The following SESN3 variants were observed in gnomAD, a reference collection of about 807,000 sequenced individuals.
The protein encoded by SESN3 is sestrin 3, also known as sestrin-3.
Under a neutral mutation model 55.3 loss-of-function variants are expected in SESN3, and 21 were observed. The ratio of observed to expected loss-of-function variants is 0.38; its 90% CI spans 0.27 to 0.55. The LOEUF is 0.55. SESN3 is among the 20% of genes least tolerant of loss of function. The pLI is 0.76. For synonymous variants in SESN3, 181 were observed against 203.1 expected, an observed-to-expected ratio of 0.89 and a Z score of 0.93; for missense variants, 408 against 604.3, an observed-to-expected ratio of 0.68 and a Z score of 3.41.
At chr11:95,214,560 T>TC (rs1860717613) in intron 1 of SESN3, among the ~76,000 whole-genome samples, 1 of 152,118 alleles carries the variant, frequency 6.6e-6, no homozygotes, top group Non-Finnish European at 1.5e-5. Flanking sequence ...TTTCTGACAC[T>TC]CCATTTTTAA....
chr11:95,177,173 ATGTACTTAC>A (rs1859973433), intron 8 of SESN3, among the ~76,000 whole-genome samples: 2 of 152,280 alleles, frequency 1.3e-5, no homozygotes, highest in South Asian at 4.1e-4. Context: ...ATTCAATCTC[ATGTACTTAC>A]TGTCCTCTCA....
intron 1 of SESN3, chr11:95,201,451 G>A (rs956718911): frequency 1.3e-5 from 2 of 152,044 alleles, no homozygotes; most frequent in African/African-American, 4.8e-5. Context: ...GTATAACTGA[G>A]CTTCCAAATA....
intron 6 of SESN3, among the ~76,000 whole-genome samples, chr11:95,179,185 T>C (rs1262266): frequency 6.6e-6 from 1 of 151,926 alleles, no homozygotes; most frequent in Admixed American, 6.6e-5. Flanking sequence ...GACAGAGTCT[T>C]GCTCTGTCGC....
Position 95,171,647 on chromosome 11 carries a change from CAG to C in SESN3, c.*1606_*1607del, listed in dbSNP as rs1859851172. On this transcript the variant is annotated 3_prime_UTR_variant, in exon 10 of 10. Coordinates refer to ENST00000536441, the MANE Select transcript of SESN3 (RefSeq NM_144665.4). ...AATGAAATATTTGCGGGAACTCTAA[CAG>C]AAAATTTTATCTATATTATTTACTA... 2 of 152,076 alleles carry C rather than the reference CAG, an allele frequency of 1.3e-5. No individual in the cohort carries two copies. Among genetic ancestry groups the C allele is most frequent in the Admixed American group, 1.3e-4 (2 of 15,252 alleles). The allele number at this position is 152,076 out of a possible 1,614,324, so 9.4% of individuals were successfully genotyped here. A position where few individuals can be genotyped will look rare whatever the true frequency, so the allele number is the denominator to read the frequency against.
In SESN3 at chr11:95,166,199, C is replaced by T. The variant is rs933049721; in HGVS notation, c.*7056G>A. 6.6e-6 allele frequency: 1 copy of T among 151,444 alleles called. No individual in the cohort carries two copies. The highest frequency in any genetic ancestry group is 2.4e-5 in the African/African-American group (1 of 41,160). The allele number at this position is 151,444 out of a possible 1,614,324, so 9.4% of individuals were successfully genotyped here. On this transcript the variant is annotated 3_prime_UTR_variant, in exon 10 of 10. Transcript: ENST00000536441. ...ATTTAAAACCTTATAGAGTAAGAGA[C>T]TGATATATATAGCAGTCTTAAAGAT...
At chr11:95,194,059 G>A (rs1860316120) in intron 1 of SESN3, among the ~76,000 whole-genome samples, 1 of 152,026 alleles carries the variant, frequency 6.6e-6, no homozygotes, top group Admixed American at 6.6e-5. Flanking sequence ...GGGGAACATA[G>A]TAATTCTTAT....
intron 1 of SESN3, among the ~76,000 whole-genome samples, chr11:95,206,765 CAAAAT>C (rs1034219054): frequency 2.8e-4 from 43 of 151,794 alleles, no homozygotes; most frequent in Non-Finnish European, 3.7e-4. Flanking sequence ...TCAGTTAACT[CAAAAT>C]AAACAGTCAT....
chr11:95,212,805 A>G (rs183731089), intron 1 of SESN3, among the ~76,000 whole-genome samples: 10 of 152,198 alleles, frequency 6.6e-5, no homozygotes, highest in African/African-American at 2.4e-4. Flanking sequence ...CTACACACAC[A>G]TTATTATTCC....
At chr11:95,210,134 G>A (rs1034210863) in intron 1 of SESN3, among the ~76,000 whole-genome samples, 10 of 150,590 alleles carry the variant, frequency 6.6e-5, no homozygotes, top group Admixed American at 2.0e-4. Flanking sequence ...ACCAAACACC[G>A]CATGTTCTTG....
chr11:95,199,833 T>C (rs770097133), intron 1 of SESN3, among the ~76,000 whole-genome samples: 14 of 152,082 alleles, frequency 9.2e-5, no homozygotes, highest in Non-Finnish European at 1.5e-4. Flanking sequence ...TTAATTTACA[T>C]AGAAATACTT....
rs1859777801 is a variant in SESN3 at position 95,167,768 on chromosome 11, T to C, written c.*5487A>G. On this transcript the variant is annotated 3_prime_UTR_variant, in exon 10 of 10. Transcript: ENST00000536441. The stretch of plus-strand genomic sequence containing the variant: ...GATGGTTCATCAGGTCAGACAACTG[T>C]GTGCAGTGTCCCATGTTAGAAACCT... 2 of 152,206 alleles carry C rather than the reference T, an allele frequency of 1.3e-5. No individual in the cohort carries two copies. Among genetic ancestry groups the C allele is most frequent in the South Asian group, 2.1e-4 (1 of 4,832 alleles). 9.4% of individuals were successfully genotyped at this position (152,206 alleles called of 1,614,324 possible).
intron 1 of SESN3, among the ~76,000 whole-genome samples, chr11:95,229,438 A>T (rs557094671): frequency 1.3e-5 from 2 of 152,314 alleles, no homozygotes; most frequent in African/African-American, 4.8e-5. Flanking sequence ...TCCAATAAAC[A>T]CAATTTAAGG....
chr11:95,194,813 GA>G (rs897983502), intron 1 of SESN3, among the ~76,000 whole-genome samples: 4 of 151,390 alleles, frequency 2.6e-5, no homozygotes, highest in South Asian at 2.1e-4. Context: ...ATAAGATATA[GA>G]AAAAAAAATT....
Position 95,180,182 on chromosome 11 carries a change from A to G in SESN3, c.938-1354T>C, listed in dbSNP as rs74373464. Among the ~76,000 whole-genome samples the G allele has an allele frequency of 8.9e-3, 1,357 of 152,300 alleles. 20 individuals are homozygous for G. The highest frequency in any genetic ancestry group is 0.031 in the African/African-American group (1,280 of 41,578). The stretch of plus-strand genomic sequence containing the variant: ...ATTTTAGTATTAAATGTCATATTTC[A>G]TAAATAATAAATAGTAGAACAGTAT... On this transcript the variant is annotated intron_variant, in intron 6 of 9. Transcript: ENST00000536441.
intron 1 of SESN3, among the ~76,000 whole-genome samples, chr11:95,209,528 A>G (rs1221143538): frequency 6.6e-6 from 1 of 151,380 alleles, no homozygotes; most frequent in Non-Finnish European, 1.5e-5. Context: ...ATACCATTTG[A>G]CCCAGCAATC....
intron 8 of SESN3, 147 bp from the exon 9 acceptor site, chr11:95,175,789 A>G: frequency 1.5e-6 from 1 of 664,576 alleles, no homozygotes; most frequent in Non-Finnish European, 2.5e-6. Context: ...AGTACCCATT[A>G]TGTGCCATGA....
At chr11:95,224,125 C>G (rs962728971) in intron 1 of SESN3, among the ~76,000 whole-genome samples, 1 of 152,090 alleles carries the variant, frequency 6.6e-6, no homozygotes, top group African/African-American at 2.4e-5. Flanking sequence ...TTTGATTGAA[C>G]TATGCGTGAA....
chr11:95,181,780 A>C (rs999910841), intron 6 of SESN3, among the ~76,000 whole-genome samples: 4 of 152,144 alleles, frequency 2.6e-5, no homozygotes, highest in Non-Finnish European at 4.4e-5. Flanking sequence ...GGTCAAACCA[A>C]GACTTTTTTA....
intron 1 of SESN3, among the ~76,000 whole-genome samples, chr11:95,229,471 C>T (rs537714924): frequency 1.3e-5 from 2 of 152,036 alleles, no homozygotes; most frequent in Non-Finnish European, 2.9e-5. Context: ...TTCAATTAAC[C>T]TCAAATCTGC....
Sources: gnomAD v4.1 joint callset for allele counts (sites outside exome capture counted in the v4.1 genomes callset) on GRCh38, gnomAD v4.1.1 for gene constraint, MANE v1.5 for transcripts, NCBI Gene and HGNC (gene_info 2026-07-23, HGNC 2026-07-21) for gene names.